OSGEP: variants seen among roughly 807,000 people sequenced by gnomAD.
OSGEP encodes the protein O-sialoglycoprotein endopeptidase.
OSGEP carries 39 observed loss-of-function variants against 44.1 expected under a neutral mutation model. That is an observed-to-expected ratio of 0.88 (90% CI 0.69 to 1.16). The LOEUF is 1.16. Among genes scored for constraint, OSGEP ranks in the 50% most tolerant of loss-of-function variants. The pLI, the probability that OSGEP is intolerant of heterozygous loss-of-function variation, is 0.00. For missense variants in OSGEP, 403 were observed against 443.1 expected (o/e 0.91, Z 0.81); for synonymous variants, 139 against 161.9 (o/e 0.86, Z 1.07).
chr14:20,452,708 C>CTTTTTTTTTTTT (rs59935464), intron 1 of OSGEP, among the ~76,000 whole-genome samples: 2 of 135,316 alleles, frequency 1.5e-5, no homozygotes. Flanking sequence ...CTTTCGTGAT[C>CTTTTTTTTTTTT]TTTTTTTTTT....
chr14:20,450,531 T>TC (rs397788915), intron 3 of OSGEP: 1 of 151,728 alleles, frequency 6.6e-6, no homozygotes, highest in Non-Finnish European at 1.5e-5. Context: ...ACTGCTCCTT[T>TC]CATCAACTCT....
At chr14:20,452,617 G>A (rs573115408) in intron 1 of OSGEP, among the ~76,000 whole-genome samples, 169 bp from the exon 2 acceptor site, 60 of 151,936 alleles carry the variant, frequency 3.9e-4, no homozygotes, top group East Asian at 9.6e-4. Context: ...TTCTATATAG[G>A]CTATTCAACT....
intron 3 of OSGEP, chr14:20,449,916 C>G (rs1443021838): frequency 6.5e-6 from 1 of 152,902 alleles, no homozygotes; most frequent in Non-Finnish European, 1.5e-5. Context: ...TGTGAACCAC[C>G]GTATGCAGCT....
Position 20,448,784 on chromosome 14 carries a change from G to C in OSGEP, c.585C>G (p.Tyr195Ter). 1 of 1,613,360 alleles carries C rather than the reference G, an allele frequency of 6.2e-7. No homozygotes were observed. The highest frequency in any genetic ancestry group is 8.5e-7 in the Non-Finnish European group (1 of 1,179,298). ...KRGKKLVELP[Y>*]TVKGMDVSFS... ...ATGAGACGTCCATCCCCTTTACAGT[G>C]TATGGCAGCTCAACTAGCTTCTTGC... The change falls in exon 6 of 11, where the codon TAC becomes TAG. Residue 195 changes from tyrosine to a stop codon, truncating the protein, a stop_gained. Transcript: ENST00000206542. LOFTEE classifies it high-confidence loss of function.
rs1416935491 is a variant in OSGEP, at chr14:20,454,615, C to A, written c.69G>T (p.Lys23Asn). 1.2e-6 allele frequency: 2 copies of A among 1,614,128 alleles called. No individual in the cohort carries two copies. Among genetic ancestry groups the A allele is most frequent in the Non-Finnish European group, 1.7e-6 (2 of 1,180,038 alleles). ...AAGTCCGCCGCGGGTTCGCCAGCACCTTGCCATCCCGCACCACGCCCACGC... is the reference window on the plus strand; with the variant it reads ...AAGTCCGCCGCGGGTTCGCCAGCACATTGCCATCCCGCACCACGCCCACGC... The part of the protein sequence containing the change: ...KIGVGVVRDG[K>N]VLANPRRTYV... Residue 23 changes from lysine to asparagine, a missense_variant, in exon 1 of 11, where the codon AAG (lysine) becomes AAT (asparagine). Coordinates refer to ENST00000206542, the MANE Select transcript of OSGEP (RefSeq NM_017807.4).
chr14:20,447,833 A>C, intron 8 of OSGEP, 71 bp downstream of exon 8: 1 of 1,290,238 alleles, frequency 7.8e-7, no homozygotes, highest in Middle Eastern at 2.0e-4. Flanking sequence ...ACGCTTAATG[A>C]TTTAGAGTAC....
At chr14:20,448,931 C>A in intron 5 of OSGEP, 33 bp downstream of exon 5, 2 of 1,611,474 alleles carry the variant, frequency 1.2e-6, no homozygotes, top group Non-Finnish European at 1.7e-6. Flanking sequence ...GAAGCCCCAG[C>A]AGCCAGCCTG....
At position 20,454,556 on chromosome 14, in the gene OSGEP, C is replaced by T. The variant is rs368822648; in HGVS notation, c.115+13G>A. The T allele has an allele frequency of 5.0e-6, 8 of 1,585,224 alleles. No individual in the cohort carries two copies. Among genetic ancestry groups the T allele is most frequent in the African/African-American group, 4.0e-5 (3 of 74,348 alleles). On this transcript the variant is annotated intron_variant, in intron 1 of 10. Transcript: ENST00000206542. ...AAGTGCGCGGAAAACTCTTAAGTCC[C>T]CTACTCACCAACCTGTGCCAGGAGG... is the stretch of plus-strand genomic sequence containing the variant.
At chr14:20,450,140 T>C (rs1197135931) in intron 3 of OSGEP, 1 of 151,322 alleles carries the variant, frequency 6.6e-6, no homozygotes, top group Non-Finnish European at 1.5e-5. Flanking sequence ...GCCTCCCAGG[T>C]TCAAGCAATT....
At position 20,448,839 on chromosome 14, in the gene OSGEP, T is replaced by C. The variant is rs371945339; in HGVS notation, c.558-28A>G. On this transcript the variant is annotated intron_variant, in intron 5 of 10. Coordinates refer to ENST00000206542, the MANE Select transcript of OSGEP (RefSeq NM_017807.4). ...ATGTGGGAATAAGCGTACGAGGCAC[T>C]AAGCCTACAGTCAGCTGGCTTCTCA... 2.3e-5 allele frequency: 37 copies of C among 1,594,532 alleles called. No homozygotes were observed. The African/African-American group carries it at 3.6e-4, about 16-fold the overall frequency.
rs1311705482 is a variant in OSGEP at position 20,447,402 on chromosome 14, C to A, written c.968+20G>T. 2 of 1,610,450 alleles carry A rather than the reference C, an allele frequency of 1.2e-6. No homozygotes were observed. The highest frequency in any genetic ancestry group is 1.1e-5 in the South Asian group (1 of 91,018). ...TCTATGTCCCAATAATCTACCCTCA[C>A]CAAGAGGTGAATCACTCACCTCTGT... On this transcript the variant is annotated intron_variant, in intron 10 of 10. Transcript: ENST00000206542.
chr14:20,448,401 T>C (rs1320410921), intron 6 of OSGEP, among the ~76,000 whole-genome samples: 1 of 152,166 alleles, frequency 6.6e-6, no homozygotes, highest in Non-Finnish European at 1.5e-5. Flanking sequence ...ACCCCTTACT[T>C]ATCCTGCTTA....
chr14:20,451,195 T>C (rs1375847779), intron 3 of OSGEP: 3 of 157,366 alleles, frequency 1.9e-5, no homozygotes, highest in African/African-American at 7.2e-5. Context: ...ATTTCTAAAC[T>C]CTTAGAATAA....
intron 3 of OSGEP, chr14:20,451,131 AG>A (rs1390207575): frequency 3.2e-5 from 5 of 154,852 alleles, no homozygotes; most frequent in East Asian, 1.9e-4. Flanking sequence ...TAAATAAATA[AG>A]ATAAAATAAA....
chr14:20,447,388 A>G lies in OSGEP; in HGVS notation c.968+34T>C, dbSNP rs776207831. On this transcript the variant is annotated intron_variant, in intron 10 of 10. Coordinates refer to ENST00000206542, the MANE Select transcript of OSGEP (RefSeq NM_017807.4). Reference sequence around the variant, plus strand: ...CCCTGCTGTTTTTGTCTATGTCCCAATAATCTACCCTCACCAAGAGGTGAA... The same window carrying G: ...CCCTGCTGTTTTTGTCTATGTCCCAGTAATCTACCCTCACCAAGAGGTGAA... 31 of 1,606,254 alleles carry G rather than the reference A, an allele frequency of 1.9e-5. No homozygotes were observed. The African/African-American group carries it at 3.9e-4, about 20-fold the overall frequency.
rs1165954176 is a variant in OSGEP at position 20,454,642 on chromosome 14, A to C, written c.42T>G (p.Ile14Met). The change falls in exon 1 of 11, where the codon ATT (isoleucine) becomes ATG (methionine). Residue 14 changes from isoleucine (I) to methionine (M), a missense_variant. Ile to Met is a conservative substitution (Grantham distance 10, BLOSUM62 1). Coordinates refer to ENST00000206542, the MANE Select transcript of OSGEP (RefSeq NM_017807.4). ...VLGFEGSANK[I>M]GVGVVRDGKV... ...TGCCATCCCGCACCACGCCCACGCC[A>C]ATCTTATTGGCGCTGCCTTCAAAAC... 6.2e-7 allele frequency: 1 copy of C among 1,614,174 alleles called. No homozygotes were observed. The highest frequency in any genetic ancestry group is 1.1e-5 in the South Asian group (1 of 91,088).
chr14:20,452,377 C>G lies in OSGEP; in HGVS notation c.187G>C (p.Glu63Gln), dbSNP rs780022853. 1.9e-6 allele frequency: 3 copies of G among 1,614,030 alleles called. No individual in the cohort carries two copies. The highest frequency in any genetic ancestry group is 4.5e-5 in the East Asian group (2 of 44,890). ...ILDLLQEALT[E>Q]SGLTSQDIDC... is the part of the protein sequence containing the mutation. ...ATATCCTGGGAGGTTAATCCAGACT[C>G]TGTTAGTGCCTCCTGCAGCAGGTCT... Residue 63 changes from glutamate (E) to glutamine (Q), a missense_variant, in exon 2 of 11, where the codon GAG (glutamate) becomes CAG (glutamine). Transcript: ENST00000206542.
At chr14:20,448,474 G>A (rs1044644387) in intron 6 of OSGEP, among the ~76,000 whole-genome samples, 3 of 147,762 alleles carry the variant, frequency 2.0e-5, no homozygotes, top group African/African-American at 5.0e-5. Flanking sequence ...TATCTCCCCC[G>A]CCCCCCATTT....
In OSGEP at chr14:20,446,921, A is replaced by C; in HGVS notation, c.*319T>G. The C allele has an allele frequency of 3.0e-6, 1 of 332,916 alleles. No homozygotes were observed. Among genetic ancestry groups the C allele is most frequent in the Non-Finnish European group, 5.5e-6 (1 of 182,626 alleles). The allele number at this position is 332,916 out of a possible 1,614,324, so 20.6% of individuals were successfully genotyped here. A position where few individuals can be genotyped will look rare whatever the true frequency, so the allele number is the denominator to read the frequency against. On this transcript the variant is annotated 3_prime_UTR_variant, in exon 11 of 11. Transcript: ENST00000206542. ...AGCCCAGTTCGAGACCAGCCTGGGA[A>C]ACACAGCAAGATTCCGTTTCTTAAA...
Sources: gnomAD v4.1 joint callset for allele counts (sites outside exome capture counted in the v4.1 genomes callset) on GRCh38, gnomAD v4.1.1 for gene constraint, MANE v1.5 for transcripts, NCBI Gene and HGNC (gene_info 2026-07-23, HGNC 2026-07-21) for gene names.